The following NAV3 variants were observed in gnomAD, a reference collection of about 807,000 sequenced individuals.
NAV3 encodes pore membrane and/or filament interacting like protein 1.
NAV3 carries 87 observed loss-of-function variants against 244.7 expected under a neutral mutation model. The observed-to-expected ratio is 0.36, with a 90% CI of 0.30 to 0.42. NAV3 has a LOEUF of 0.42. Ranked by LOEUF, NAV3 falls within the 20% of genes least tolerant of loss-of-function variation. The probability of loss-of-function intolerance (pLI) is 1.00; values close to 1 mark genes in which losing one functional copy is unlikely to be tolerated. For missense variants in NAV3, 2,663 were observed against 2,893.3 expected, an observed-to-expected ratio of 0.92 and a Z score of 1.83; for synonymous variants, 1,126 against 1,042.2, an observed-to-expected ratio of 1.08 and a Z score of -1.55.
chr12:77,791,993 A>C (rs1213929471), intron 2 of NAV3, among the ~76,000 whole-genome samples: 1 of 152,224 alleles, frequency 6.6e-6, no homozygotes, highest in African/African-American at 2.4e-5. Context: ...TTCCAGAACC[A>C]ATCCCCTGTG....
intron 2 of NAV3, among the ~76,000 whole-genome samples, chr12:77,734,366 T>A (rs1448861363): frequency 6.6e-6 from 1 of 152,100 alleles, no homozygotes; most frequent in Non-Finnish European, 1.5e-5. Flanking sequence ...ACCTTGCCTG[T>A]TTGTCTTTCT....
At chr12:78,070,626 T>G (rs1952710269) in intron 12 of NAV3, among the ~76,000 whole-genome samples, 1 of 151,686 alleles carries the variant, frequency 6.6e-6, no homozygotes, top group South Asian at 2.1e-4. Flanking sequence ...TATGTATACA[T>G]GTGCCATGCT....
At chr12:77,903,389 G>A (rs1392851538) in intron 1 of NAV3, among the ~76,000 whole-genome samples, 2 of 152,140 alleles carry the variant, frequency 1.3e-5, no homozygotes, top group African/African-American at 4.8e-5. Context: ...AACAAGCAAT[G>A]GGGAAAGGAT....
At chr12:77,902,453 G>A (rs1313386762) in intron 1 of NAV3, among the ~76,000 whole-genome samples, 2 of 152,192 alleles carry the variant, frequency 1.3e-5, no homozygotes, top group South Asian at 2.1e-4. Flanking sequence ...TTTGTCAAAG[G>A]CCTTTTCTGC....
At chr12:78,126,465 G>A (rs1245222238) in intron 16 of NAV3, among the ~76,000 whole-genome samples, 1 of 151,982 alleles carries the variant, frequency 6.6e-6, no homozygotes, top group Non-Finnish European at 1.5e-5. Flanking sequence ...TTTTTAGAGA[G>A]GCCATTTCTT....
intron 2 of NAV3, among the ~76,000 whole-genome samples, chr12:77,685,712 A>G (rs1874709071): frequency 6.6e-6 from 1 of 152,130 alleles, no homozygotes; most frequent in Admixed American, 6.6e-5. Flanking sequence ...CCCATTTCAA[A>G]CCTCATTAAA....
intron 2 of NAV3, among the ~76,000 whole-genome samples, chr12:77,689,473 C>T (rs191510513): frequency 2.5e-4 from 38 of 152,060 alleles, no homozygotes; most frequent in African/African-American, 9.1e-4. Flanking sequence ...CCAAATTTCT[C>T]TAGGCAGTGG....
chr12:77,975,382 A>G (rs564973759), intron 5 of NAV3, among the ~76,000 whole-genome samples: 5 of 152,372 alleles, frequency 3.3e-5, no homozygotes, highest in African/African-American at 1.2e-4. Flanking sequence ...CTTTCATTCT[A>G]GTAATTGGAG....
In NAV3 at chr12:77,727,659, G is replaced by A. The variant is rs545637740; in HGVS notation, c.72+155393G>A. On this transcript the variant is annotated intron_variant, in intron 2 of 8. Coordinates refer to the NAV3 transcript ENST00000550042. The stretch of plus-strand genomic sequence containing the variant: ...AGAAGTGTGATATGACAGGGCCCAG[G>A]TTCTAAAAATTCTGTTCTAAAAATT... 7.9e-5 allele frequency among the ~76,000 whole-genome samples: 12 copies of A among 151,934 alleles called. No homozygotes were observed. In the South Asian group the frequency reaches 1.2e-3, roughly 16 times the overall value.
chr12:77,748,853 T>C (rs1868693011), intron 2 of NAV3, among the ~76,000 whole-genome samples: 1 of 152,188 alleles, frequency 6.6e-6, no homozygotes, highest in Admixed American at 6.5e-5. Flanking sequence ...TGAAACTTGC[T>C]AAGAGAAAAG....
intron 2 of NAV3, among the ~76,000 whole-genome samples, chr12:77,722,216 T>G (rs554664139): frequency 3.3e-5 from 5 of 152,170 alleles, no homozygotes; most frequent in African/African-American, 1.2e-4. Flanking sequence ...ATGAATTCAA[T>G]CGTGTTTGGT....
At chr12:78,082,291 T>TA (rs775460720) in intron 12 of NAV3, among the ~76,000 whole-genome samples, 65 of 152,334 alleles carry the variant, frequency 4.3e-4, no homozygotes, top group Non-Finnish European at 6.8e-4. Context: ...AACAGACTAA[T>TA]ACATGGCTTA....
chr12:78,052,816 A>G (rs561042091), intron 11 of NAV3, among the ~76,000 whole-genome samples: 15 of 151,262 alleles, frequency 9.9e-5, no homozygotes, highest in Non-Finnish European at 2.1e-4. Context: ...TTTTTTCTCA[A>G]TCTCCTTAGA....
chr12:77,908,639 A>G (rs74106586), intron 1 of NAV3, among the ~76,000 whole-genome samples: 3 of 152,020 alleles, frequency 2.0e-5, no homozygotes, highest in African/African-American at 4.8e-5. Context: ...TTACTCATCT[A>G]AAAAGCACAT....
chr12:77,617,929 G>A (rs760339697), intron 2 of NAV3, among the ~76,000 whole-genome samples: 46 of 152,180 alleles, frequency 3.0e-4, no homozygotes, highest in Non-Finnish European at 6.0e-4. Context: ...CTATAATCTT[G>A]TGACAGTGTC....
chr12:77,573,631 C>T (rs1803191135), intron 2 of NAV3, among the ~76,000 whole-genome samples: 1 of 152,154 alleles, frequency 6.6e-6, no homozygotes, highest in African/African-American at 2.4e-5. Context: ...CTAAAGCATT[C>T]TCTGCAATTT....
intron 1 of NAV3, among the ~76,000 whole-genome samples, chr12:77,861,782 T>C (rs878952441): frequency 6.6e-6 from 1 of 151,796 alleles, no homozygotes; most frequent in African/African-American, 2.4e-5. Context: ...TCATGAAGGT[T>C]TATTTACTAT....
At chr12:77,828,633 C>T (rs1403558107), upstream of NAV3, among the ~76,000 whole-genome samples, 2 of 151,870 alleles carry the variant, frequency 1.3e-5, no homozygotes, top group African/African-American at 2.4e-5. Context: ...GATGACAACT[C>T]CTGGCACAAA....
chr12:77,908,204 G>A (rs1419005233), intron 1 of NAV3, among the ~76,000 whole-genome samples: 1 of 151,948 alleles, frequency 6.6e-6, no homozygotes, highest in Non-Finnish European at 1.5e-5. Flanking sequence ...ATTCAAAACT[G>A]TTTATTTTCA....
Sources: allele counts gnomAD v4.1 joint callset (sites outside exome capture counted in the v4.1 genomes callset), GRCh38; gene constraint gnomAD v4.1.1; transcripts MANE v1.5; gene names NCBI Gene and HGNC (gene_info 2026-07-23, HGNC 2026-07-21).